TMEM273: variants seen among roughly 807,000 people sequenced by gnomAD.
The protein encoded by TMEM273 is transmembrane protein 273.
In TMEM273, 19 loss-of-function variants were observed where a neutral mutation model predicts 17.9. That is an observed-to-expected ratio of 1.06 (90% confidence interval 0.74 to 1.55). The LOEUF (loss-of-function observed/expected upper bound fraction) is 1.55, where lower values mean the gene tolerates loss of function less well. Ranked by LOEUF, TMEM273 falls within the 40% of genes most tolerant of loss-of-function variation. TMEM273 has a pLI of 0.00. For synonymous variants in TMEM273, 66 were observed against 62.0 expected (o/e 1.07, Z -0.31); for missense variants, 194 against 155.6 (o/e 1.25, Z -1.31).
rs1275258340 is a variant in TMEM273 at position 49,186,021 on chromosome 10, GAAGAAGAAGAAGAAA to G, written c.43+2258_43+2272del. The stretch of plus-strand genomic sequence containing the variant: ...GGAGGAAGAGGAGGAGGAGGAGGAA[GAAGAAGAAGAAGAAA>G]AAGAAGAAGAAGAAGAGGAAGAAGA... On this transcript the variant is annotated intron_variant, in intron 1 of 6. Transcript: ENST00000374153. Among the ~76,000 whole-genome samples, 105 of 142,800 alleles carry G rather than the reference GAAGAAGAAGAAGAAA, an allele frequency of 7.4e-4. 1 individual carries two copies. The highest frequency in any genetic ancestry group is 2.6e-3 in the African/African-American group (97 of 37,812). The allele number at this position is 142,800 out of a possible 152,430, so 93.7% of individuals were successfully genotyped here.
chr10:49,176,051 C>T (rs1057027850), intron 1 of TMEM273, among the ~76,000 whole-genome samples: 1 of 152,196 alleles, frequency 6.6e-6, no homozygotes, highest in African/African-American at 2.4e-5. Context: ...CATTCTGCCA[C>T]CCATTGTCAG....
chr10:49,161,312 T>C, intron 6 of TMEM273: 1 of 524,278 alleles, frequency 1.9e-6, no homozygotes, highest in Admixed American at 3.2e-5. Context: ...GGATAGGTCT[T>C]GGAGAATGAA....
At chr10:49,183,583 A>C (rs1193991388) in intron 1 of TMEM273, among the ~76,000 whole-genome samples, 1 of 152,200 alleles carries the variant, frequency 6.6e-6, no homozygotes, top group African/African-American at 2.4e-5. Flanking sequence ...CCTGACTAAG[A>C]AGCAGTTTGG....
intron 1 of TMEM273, among the ~76,000 whole-genome samples, chr10:49,180,158 G>C (rs1847253528): frequency 6.6e-6 from 1 of 152,160 alleles, no homozygotes; most frequent in Non-Finnish European, 1.5e-5. Context: ...CTTCCTGCTA[G>C]GAAAGAGTCA....
At chr10:49,158,980 TTAAA>T (rs1845681276) in intron 6 of TMEM273, among the ~76,000 whole-genome samples, 1 of 152,310 alleles carries the variant, frequency 6.6e-6, no homozygotes, top group Admixed American at 6.5e-5. Context: ...GTGTTTTTAA[TTAAA>T]TATATTTTTG....
intron 1 of TMEM273, among the ~76,000 whole-genome samples, chr10:49,187,728 C>T (rs573263992): frequency 6.6e-6 from 1 of 152,298 alleles, no homozygotes; most frequent in South Asian, 2.1e-4. Flanking sequence ...CTTTGCCTCT[C>T]TCCTTTCTTC....
chr10:49,174,066 T>G (rs558619117), intron 1 of TMEM273, among the ~76,000 whole-genome samples: 1 of 152,316 alleles, frequency 6.6e-6, no homozygotes, highest in East Asian at 1.9e-4. Flanking sequence ...CTTCCCTTTT[T>G]TCATCTGAAA....
At chr10:49,169,668 G>T (rs1402142543) in intron 1 of TMEM273, among the ~76,000 whole-genome samples, 1 of 152,106 alleles carries the variant, frequency 6.6e-6, no homozygotes, top group East Asian at 1.9e-4. Context: ...CTCTGATTTT[G>T]TCTGTTCTCT....
At chr10:49,162,999 C>T (rs1031050196) in intron 5 of TMEM273, among the ~76,000 whole-genome samples, 4 of 152,172 alleles carry the variant, frequency 2.6e-5, no homozygotes, top group Non-Finnish European at 5.9e-5. Flanking sequence ...TGAGTGCTGC[C>T]CTTGGGTCAG....
intron 4 of TMEM273, 83 bp downstream of exon 4, chr10:49,165,683 G>A (rs1312448903): frequency 1.3e-6 from 2 of 1,569,454 alleles, no homozygotes; most frequent in Non-Finnish European, 1.8e-6. Flanking sequence ...AGAGAAGGCT[G>A]GGGATGACAG....
chr10:49,187,425 A>G (rs1486172693), intron 1 of TMEM273, among the ~76,000 whole-genome samples: 1 of 152,232 alleles, frequency 6.6e-6, no homozygotes, highest in African/African-American at 2.4e-5. Flanking sequence ...ACAAGATTTA[A>G]TCTGGAGACA....
intron 6 of TMEM273, among the ~76,000 whole-genome samples, chr10:49,158,905 A>G (rs1845675344): frequency 6.6e-6 from 1 of 152,224 alleles, no homozygotes; most frequent in Non-Finnish European, 1.5e-5. Context: ...GTATATATGC[A>G]CAGATATATA....
intron 1 of TMEM273, among the ~76,000 whole-genome samples, chr10:49,185,701 G>A (rs1005809393): frequency 1.3e-5 from 2 of 152,082 alleles, no homozygotes; most frequent in African/African-American, 2.4e-5. Flanking sequence ...AAGGATAGCC[G>A]GGCACGGTGG....
In TMEM273 at chr10:49,155,856, C is replaced by T; in HGVS notation, c.*36G>A. On this transcript the variant is annotated 3_prime_UTR_variant, in exon 7 of 7. Transcript: ENST00000374153. ...TAACCATGGGCTGTTTTCCACGGGG[C>T]TAGAACCCCTCTTCACGTCACTGCT... The T allele has an allele frequency of 6.2e-7, 1 of 1,614,128 alleles. No homozygotes were observed. Among genetic ancestry groups the T allele is most frequent in the Non-Finnish European group, 8.5e-7 (1 of 1,180,002 alleles).
rs753255976 is a variant in TMEM273, at chr10:49,166,796, GCCA to G, written c.238+70_238+72del. ...CGCTTGTGGGTTCATTCTTGCTGTA[GCCA>G]GCATCACAGAGTGGCCCTCGGTGCC... is the stretch of plus-strand genomic sequence containing the variant. On this transcript the variant is annotated intron_variant, in intron 3 of 6. Transcript: ENST00000374153. The G allele has an allele frequency of 3.1e-5, 50 of 1,590,470 alleles. 1 individual carries two copies. The East Asian group carries it at 1.1e-3, about 36-fold the overall frequency.
chr10:49,159,460 G>A (rs940109850), intron 6 of TMEM273, among the ~76,000 whole-genome samples: 2 of 152,178 alleles, frequency 1.3e-5, no homozygotes, highest in Admixed American at 1.3e-4. Flanking sequence ...TAGAGAAAAT[G>A]AGTAAAAATA....
chr10:49,170,679 T>A (rs1350520226), intron 1 of TMEM273, among the ~76,000 whole-genome samples: 1 of 152,198 alleles, frequency 6.6e-6, no homozygotes, highest in East Asian at 1.9e-4. Flanking sequence ...CAGCCCTTCC[T>A]GCGAGCCAGC....
In TMEM273 at chr10:49,163,676, G is replaced by A. The variant is rs572278309; in HGVS notation, c.348+1529C>T. Among the ~76,000 whole-genome samples, 537 of 152,186 alleles carry A rather than the reference G, an allele frequency of 3.5e-3. 4 individuals are homozygous for A. Among genetic ancestry groups the A allele is most frequent in the African/African-American group, 0.012 (505 of 41,462 alleles). Reference sequence around the variant, plus strand: ...CAGTGGACTGACACAAACTTGGGGTGGGGGGATGACATGGGAGGGGACAGA... The same window carrying A: ...CAGTGGACTGACACAAACTTGGGGTAGGGGGATGACATGGGAGGGGACAGA... On this transcript the variant is annotated intron_variant, in intron 5 of 6. Transcript: ENST00000374153.
In TMEM273 at chr10:49,188,278, C is replaced by T. The variant is rs546449007; in HGVS notation, c.43+16G>A. On this transcript the variant is annotated intron_variant, in intron 1 of 6. Coordinates refer to ENST00000374153, the MANE Select transcript of TMEM273 (RefSeq NM_001288740.3). The stretch of plus-strand genomic sequence containing the variant: ...GAGGCTCCCCCGGGCCAGAGACCCC[C>T]GCAGTCCCCACTTACCCAGGAGGAA... 2.2e-5 allele frequency: 35 copies of T among 1,613,916 alleles called. No homozygotes were observed. The highest frequency in any genetic ancestry group is 1.8e-4 in the East Asian group (8 of 44,880).
Sources: allele counts gnomAD v4.1 joint callset (sites outside exome capture counted in the v4.1 genomes callset), GRCh38; gene constraint gnomAD v4.1.1; transcripts MANE v1.5; gene names NCBI Gene and HGNC (gene_info 2026-07-23, HGNC 2026-07-21).